FAT3: variants seen among roughly 807,000 people sequenced by gnomAD.
FAT3 encodes FAT atypical cadherin 3.
In FAT3, 95 loss-of-function variants were observed where a neutral mutation model predicts 310.2. That is an observed-to-expected ratio of 0.31 (90% CI 0.26 to 0.36). The LOEUF (loss-of-function observed/expected upper bound fraction) is 0.36. Among genes scored for constraint, FAT3 ranks in the 10% least tolerant of loss-of-function variants. FAT3 has a pLI of 1.00. For synonymous variants in FAT3, 2,314 were observed against 2,192.9 expected (o/e 1.06, Z -1.54); for missense variants, 5,408 against 5,715.6 (o/e 0.95, Z 1.74).
chr11:92,405,613 T>C (rs1950121104), intron 2 of FAT3, among the ~76,000 whole-genome samples: 1 of 152,114 alleles, frequency 6.6e-6, no homozygotes, highest in Non-Finnish European at 1.5e-5. Flanking sequence ...TAGCTGGACA[T>C]GATGGCATGT....
chr11:92,622,826 G>A lies in FAT3; in HGVS notation c.3608-74558G>A, dbSNP rs752660739. Among the ~76,000 whole-genome samples the A allele has an allele frequency of 2.6e-5, 4 of 152,232 alleles. 1 individual carries two copies. In the Middle Eastern group the frequency reaches 0.01, roughly 388 times the overall value. ...ATTTAAATCTTCTGCCTGAAATGAT[G>A]CTCTTCTTCCCTGAGACTCCCTATA... is the stretch of plus-strand genomic sequence containing the variant. On this transcript the variant is annotated intron_variant, in intron 3 of 27. Transcript: ENST00000525166.
chr11:92,442,345 C>T (rs904421985), intron 2 of FAT3, among the ~76,000 whole-genome samples: 1 of 150,304 alleles, frequency 6.7e-6, no homozygotes, highest in African/African-American at 2.4e-5. Flanking sequence ...GATCTCCTGA[C>T]CTTGTGATCT....
chr11:92,245,292 G>A (rs1251533038), intron 1 of FAT3, among the ~76,000 whole-genome samples: 1 of 151,774 alleles, frequency 6.6e-6, no homozygotes, highest in Non-Finnish European at 1.5e-5. Flanking sequence ...GTTGAATAAT[G>A]AGAACACATG....
intron 1 of FAT3, among the ~76,000 whole-genome samples, chr11:92,233,593 C>T (rs1340814731): frequency 6.6e-6 from 1 of 152,110 alleles, no homozygotes; most frequent in Non-Finnish European, 1.5e-5. Context: ...TATGTGTGAT[C>T]CTAAGTCAGT....
At chr11:92,777,592 G>T (rs368638029) in intron 7 of FAT3, among the ~76,000 whole-genome samples, 1 of 152,146 alleles carries the variant, frequency 6.6e-6, no homozygotes, top group African/African-American at 2.4e-5. Context: ...TCTTTATTTT[G>T]TAAGGGATAT....
At chr11:92,411,759 G>C (rs1021783579) in intron 2 of FAT3, among the ~76,000 whole-genome samples, 1 of 151,520 alleles carries the variant, frequency 6.6e-6, no homozygotes, top group Non-Finnish European at 1.5e-5. Context: ...TATTTTTTCT[G>C]AATCTAAATT....
intron 3 of FAT3, among the ~76,000 whole-genome samples, chr11:92,685,438 C>G (rs571040): frequency 0.15 from 22,163 of 151,182 alleles, 1,747 homozygotes; most frequent in African/African-American, 0.17. Flanking sequence ...AAACTTTTCC[C>G]AAAAAGTCTT....
intron 3 of FAT3, among the ~76,000 whole-genome samples, chr11:92,550,770 C>CTTT (rs11472875): frequency 0.38 from 54,499 of 141,872 alleles, 11,118 homozygotes; most frequent in Middle Eastern, 0.53. Context: ...CCACATTTAT[C>CTTT]TTTTTTTTTT....
intron 4 of FAT3, among the ~76,000 whole-genome samples, chr11:92,751,049 A>G (rs1945814814): frequency 6.6e-6 from 1 of 152,178 alleles, no homozygotes; most frequent in African/African-American, 2.4e-5. Context: ...CATGCTGTAT[A>G]ATTGCCATCC....
intron 7 of FAT3, among the ~76,000 whole-genome samples, chr11:92,781,262 A>G (rs1946745921): frequency 6.6e-6 from 1 of 151,126 alleles, no homozygotes; most frequent in South Asian, 2.1e-4. Flanking sequence ...TTGTATTTTT[A>G]GTAGAGATGG....
rs560018046 is a variant in FAT3 at position 92,649,361 on chromosome 11, T to C, written c.3608-48023T>C. On this transcript the variant is annotated intron_variant, in intron 3 of 27. Coordinates refer to ENST00000525166, the MANE Select transcript of FAT3 (RefSeq NM_001367949.2). ...TTATGATTTAAAGAATTGCTTGTAC[T>C]TTATCTGCAACTATATCCCAGCTAT... Among the ~76,000 whole-genome samples, 72 of 152,346 alleles carry C rather than the reference T, an allele frequency of 4.7e-4. 1 individual carries two copies. Among genetic ancestry groups the C allele is most frequent in the African/African-American group, 1.7e-3 (70 of 41,582 alleles).
intron 1 of FAT3, among the ~76,000 whole-genome samples, chr11:92,254,878 G>A (rs779696541): frequency 1.3e-5 from 2 of 151,978 alleles, no homozygotes; most frequent in Non-Finnish European, 2.9e-5. Flanking sequence ...GCTAATTTTT[G>A]TATTTTTAGT....
chr11:92,323,784 C>T (rs940816626), intron 1 of FAT3, among the ~76,000 whole-genome samples: 1 of 152,166 alleles, frequency 6.6e-6, no homozygotes, highest in African/African-American at 2.4e-5. Flanking sequence ...AAGTCACCAG[C>T]TGCATCAGCC....
intron 3 of FAT3, among the ~76,000 whole-genome samples, chr11:92,613,193 C>T (rs1284715163): frequency 6.6e-6 from 1 of 151,970 alleles, no homozygotes; most frequent in Non-Finnish European, 1.5e-5. Context: ...TAGAATAATG[C>T]CTCTTTCCCT....
At chr11:92,790,303 C>A in intron 8 of FAT3, 85 bp downstream of exon 8, 1 of 1,377,010 alleles carries the variant, frequency 7.3e-7, no homozygotes, top group Non-Finnish European at 9.8e-7. Flanking sequence ...TATAGGGCCC[C>A]TAAATTTTAT....
At chr11:92,478,195 G>C (rs10501790) in intron 2 of FAT3, among the ~76,000 whole-genome samples, 1 of 152,114 alleles carries the variant, frequency 6.6e-6, no homozygotes, top group Admixed American at 6.5e-5. Context: ...CAAAGAAACT[G>C]TCTTCAGCTG....
At chr11:92,329,094 C>CTT (rs578134941) in intron 1 of FAT3, among the ~76,000 whole-genome samples, 2,131 of 147,952 alleles carry the variant, frequency 0.014, 54 homozygotes, top group African/African-American at 0.051. Context: ...ATCATCCAGA[C>CTT]TTTTTTTTTT....
intron 7 of FAT3, among the ~76,000 whole-genome samples, chr11:92,777,230 A>G (rs531761853): frequency 3.3e-5 from 5 of 152,240 alleles, no homozygotes; most frequent in African/African-American, 7.2e-5. Context: ...ATCATAAAAC[A>G]TGATATGACA....
At chr11:92,269,920 C>A (rs906579710) in intron 1 of FAT3, among the ~76,000 whole-genome samples, 2 of 152,114 alleles carry the variant, frequency 1.3e-5, no homozygotes, top group African/African-American at 2.4e-5. Flanking sequence ...CATTTTCTTG[C>A]TGTCTGTTGA....
Sources: allele counts gnomAD v4.1 joint callset (sites outside exome capture counted in the v4.1 genomes callset), GRCh38; gene constraint gnomAD v4.1.1; transcripts MANE v1.5; gene names NCBI Gene and HGNC (gene_info 2026-07-23, HGNC 2026-07-21).